The following LINGO2 variants were observed in gnomAD, a reference collection of about 807,000 sequenced individuals.
LINGO2 encodes leucine-rich repeat and immunoglobulin-like domain-containing nogo receptor-interacting protein 2.
Under a neutral mutation model 30.6 loss-of-function variants are expected in LINGO2, and 14 were observed. The observed-to-expected ratio is 0.46, with a 90% CI of 0.30 to 0.72. The LOEUF (loss-of-function observed/expected upper bound fraction) is 0.72. Among genes scored for constraint, LINGO2 ranks in the 30% least tolerant of loss-of-function variants. LINGO2 has a pLI of 0.07. For missense variants in LINGO2, 729 were observed against 751.7 expected, an observed-to-expected ratio of 0.97 and a Z score of 0.35; for synonymous variants, 317 against 288.5, an observed-to-expected ratio of 1.10 and a Z score of -1.00.
the LINGO2 span, among the ~76,000 whole-genome samples, chr9:29,016,555 T>A: frequency 6.6e-6 from 1 of 152,264 alleles, no homozygotes; most frequent in Middle Eastern, 3.4e-3. Context: ...CAAGTAAGGC[T>A]GCCAGCAAAA....
the LINGO2 span, among the ~76,000 whole-genome samples, chr9:28,751,240 A>G: frequency 5.7e-5 from 8 of 139,788 alleles, no homozygotes; most frequent in East Asian, 1.7e-3. Flanking sequence ...GCAGTAAGCT[A>G]TGATTATGTC....
chr9:28,630,887 T>C (rs1377708692), intron 1 of LINGO2, among the ~76,000 whole-genome samples: 2 of 134,624 alleles, frequency 1.5e-5, no homozygotes, highest in Non-Finnish European at 3.3e-5. Flanking sequence ...TTTGTGCACA[T>C]AAAGAAAAAA....
intron 1 of LINGO2, among the ~76,000 whole-genome samples, chr9:28,537,548 GA>G (rs72454733): frequency 0.038 from 5,339 of 140,638 alleles, 158 homozygotes; most frequent in African/African-American, 0.088. Flanking sequence ...AAAGTAAATA[GA>G]AAAAAAAAAA....
downstream of LINGO2, among the ~76,000 whole-genome samples, chr9:27,946,892 A>T (rs1454318529): frequency 6.6e-6 from 1 of 152,102 alleles, no homozygotes; most frequent in Non-Finnish European, 1.5e-5. Flanking sequence ...TTGCTATCTG[A>T]TTGGCAAAAT....
intron 1 of LINGO2, among the ~76,000 whole-genome samples, chr9:28,637,912 G>C (rs1414803751): frequency 6.6e-6 from 1 of 152,136 alleles, no homozygotes; most frequent in Non-Finnish European, 1.5e-5. Flanking sequence ...TTTTCAAAGG[G>C]AATGTTTCCA....
chr9:28,336,800 A>AC (rs990170834), intron 3 of LINGO2, among the ~76,000 whole-genome samples: 41 of 151,910 alleles, frequency 2.7e-4, no homozygotes, highest in African/African-American at 6.3e-4. Context: ...GCAAAAAAAA[A>AC]CCACCTCATT....
the LINGO2 span, among the ~76,000 whole-genome samples, chr9:29,019,584 T>C: frequency 6.6e-6 from 1 of 152,168 alleles, no homozygotes. Flanking sequence ...AACTGGACAG[T>C]TCAGCCTAAG....
chr9:28,827,161 A>G, the LINGO2 span, among the ~76,000 whole-genome samples: 5 of 152,202 alleles, frequency 3.3e-5, no homozygotes, highest in African/African-American at 1.2e-4. Flanking sequence ...AGCTACCTGA[A>G]TCAAGTCCAC....
chr9:28,838,593 G>A, the LINGO2 span, among the ~76,000 whole-genome samples: 1 of 152,096 alleles, frequency 6.6e-6, no homozygotes, highest in African/African-American at 2.4e-5. Context: ...ATTTGCTCAA[G>A]CTAATAATCT....
At chr9:27,940,358 A>T in the LINGO2 span, 13 of 152,020 alleles carry the variant, frequency 8.6e-5, no homozygotes, top group Admixed American at 8.5e-4. Flanking sequence ...TAATTTTTGC[A>T]TTTAGTTATT....
At chr9:27,968,649 G>T (rs1820213405) in intron 5 of LINGO2, among the ~76,000 whole-genome samples, 1 of 151,384 alleles carries the variant, frequency 6.6e-6, no homozygotes, top group South Asian at 2.1e-4. Flanking sequence ...TGATTTTGAG[G>T]AAACAATAAA....
At chr9:29,192,644 C>G in the LINGO2 span, among the ~76,000 whole-genome samples, 1 of 152,158 alleles carries the variant, frequency 6.6e-6, no homozygotes, top group South Asian at 2.1e-4. Flanking sequence ...ACACTAGAGA[C>G]TATATATTGT....
Position 28,536,922 on chromosome 9 carries a change from C to A in LINGO2, c.-364-60897G>T, listed in dbSNP as rs568458798. On this transcript the variant is annotated intron_variant, in intron 1 of 5. Transcript: ENST00000379992. ...TCTTAACCCTAAGCACCACATTATA[C>A]GAGCTTATTTGAAAATAGGATTGTT... Among the ~76,000 whole-genome samples, 3 of 152,078 alleles carry A rather than the reference C, an allele frequency of 2.0e-5. No individual in the cohort carries two copies. The South Asian group carries it at 6.2e-4, about 32-fold the overall frequency.
the LINGO2 span, among the ~76,000 whole-genome samples, chr9:28,999,035 A>G: frequency 7.7e-4 from 117 of 152,300 alleles, 1 homozygote; most frequent in Non-Finnish European, 1.1e-3. Flanking sequence ...TGTGATACAC[A>G]TAGACTCATA....
chr9:28,695,092 T>C, the LINGO2 span, among the ~76,000 whole-genome samples: 7 of 151,752 alleles, frequency 4.6e-5, no homozygotes, highest in Non-Finnish European at 1.0e-4. Context: ...CCTGTTATAG[T>C]ACAGAACAAG....
the LINGO2 span, among the ~76,000 whole-genome samples, chr9:28,693,440 A>AT: frequency 6.6e-6 from 1 of 152,076 alleles, no homozygotes; most frequent in African/African-American, 2.4e-5. Flanking sequence ...AGATGCAGGG[A>AT]TTTTAAGAGG....
At chr9:28,622,728 ATTT>A (rs36004975) in intron 1 of LINGO2, among the ~76,000 whole-genome samples, 4 of 144,578 alleles carry the variant, frequency 2.8e-5, no homozygotes, top group African/African-American at 1.0e-4. Context: ...TGGCAGCTCT[ATTT>A]TTTTTTTTTT....
chr9:28,570,259 G>C lies in LINGO2; in HGVS notation c.-364-94234C>G, dbSNP rs372342951. Among the ~76,000 whole-genome samples, 29 of 151,926 alleles carry C rather than the reference G, an allele frequency of 1.9e-4. 1 individual carries two copies. The South Asian group carries it at 5.2e-3, about 27-fold the overall frequency. ...AACTGAACAAACAGGAAATGGTTTA[G>C]ATAATTTCTACCACGTCACGGCTAT... On this transcript the variant is annotated intron_variant, in intron 1 of 5. Coordinates refer to ENST00000379992, the Ensembl canonical transcript of LINGO2.
intron 4 of LINGO2, among the ~76,000 whole-genome samples, chr9:28,139,445 C>A (rs912741255): frequency 3.3e-5 from 5 of 152,144 alleles, no homozygotes; most frequent in African/African-American, 4.8e-5. Context: ...CCACTTATGA[C>A]AACAGCCTGG....
Sources: gnomAD v4.1 joint callset for allele counts (sites outside exome capture counted in the v4.1 genomes callset) on GRCh38, gnomAD v4.1.1 for gene constraint, MANE v1.5 for transcripts, NCBI Gene and HGNC (gene_info 2026-07-23, HGNC 2026-07-21) for gene names.